MGAT4A: variants seen among roughly 807,000 people sequenced by gnomAD.
MGAT4A encodes the protein N-acetylglucosaminyltransferase IVa.
Under a neutral mutation model 74.1 loss-of-function variants are expected in MGAT4A, and 33 were observed. That is an observed-to-expected ratio of 0.45 (90% CI 0.34 to 0.60). The LOEUF is 0.60. Ranked by LOEUF, MGAT4A falls within the 20% of genes least tolerant of loss-of-function variation. The probability of loss-of-function intolerance (pLI) is 0.02; values close to 1 mark genes in which losing one functional copy is unlikely to be tolerated. For missense variants in MGAT4A, 479 were observed against 628.3 expected, an observed-to-expected ratio of 0.76 and a Z score of 2.54; for synonymous variants, 198 against 210.4, an observed-to-expected ratio of 0.94 and a Z score of 0.51.
chr2:98,697,439 C>T (rs1702293153), intron 2 of MGAT4A, among the ~76,000 whole-genome samples: 1 of 152,134 alleles, frequency 6.6e-6, no homozygotes, highest in Non-Finnish European at 1.5e-5. Flanking sequence ...CAGGGGAGAT[C>T]TTTGTGGTGA....
At chr2:98,667,696 T>TTTGTTG (rs142922685) in intron 4 of MGAT4A, among the ~76,000 whole-genome samples, 3,412 of 150,246 alleles carry the variant, frequency 0.023, 54 homozygotes, top group Middle Eastern at 0.038. Context: ...GCATTCAGTT[T>TTTGTTG]TTGTTGTTGT....
At chr2:98,691,400 A>G (rs1702192611) in intron 2 of MGAT4A, among the ~76,000 whole-genome samples, 2 of 152,082 alleles carry the variant, frequency 1.3e-5, no homozygotes, top group South Asian at 4.1e-4. Flanking sequence ...TGCTCACACC[A>G]CTGCACTCCA....
intron 10 of MGAT4A, among the ~76,000 whole-genome samples, chr2:98,641,605 G>C (rs1209403611): frequency 6.6e-6 from 1 of 151,740 alleles, no homozygotes; most frequent in Non-Finnish European, 1.5e-5. Context: ...GAACACGGGA[G>C]GCGGAGCTTG....
At chr2:98,713,185 C>CAAAAA (rs139508612) in intron 2 of MGAT4A, among the ~76,000 whole-genome samples, 1 of 54,220 alleles carries the variant, frequency 1.8e-5, no homozygotes, top group Non-Finnish European at 3.4e-5. Flanking sequence ...GATCATGTCT[C>CAAAAA]AAAAAAAAAA....
intron 2 of MGAT4A, among the ~76,000 whole-genome samples, chr2:98,700,773 C>A (rs984335163): frequency 2.0e-5 from 3 of 151,832 alleles, no homozygotes; most frequent in Non-Finnish European, 4.4e-5. Flanking sequence ...CACCTGTAAT[C>A]CCAGCTACTC....
Position 98,621,819 on chromosome 2 carries a change from AATTTTGCTT to A in MGAT4A, c.*3738_*3746del. 2 of 1,053,972 alleles carry A rather than the reference AATTTTGCTT, an allele frequency of 1.9e-6. No homozygotes were observed. Among genetic ancestry groups the A allele is most frequent in the Non-Finnish European group, 2.3e-6 (2 of 874,614 alleles). The allele number at this position is 1,053,972 out of a possible 1,614,324, so 65.3% of individuals were successfully genotyped here. Reference sequence around the variant, plus strand: ...TGATAGATTTTTTAAAGGCCTTCATAATTTTGCTTATAGTTTTAAAAATAACAACACCTT... The same window carrying A: ...TGATAGATTTTTTAAAGGCCTTCATAATAGTTTTAAAAATAACAACACCTT... On this transcript the variant is annotated 3_prime_UTR_variant, in exon 16 of 16. Coordinates refer to ENST00000393487, the MANE Select transcript of MGAT4A (RefSeq NM_012214.3).
chr2:98,683,442 G>A (rs540119282), intron 2 of MGAT4A, among the ~76,000 whole-genome samples: 1 of 152,236 alleles, frequency 6.6e-6, no homozygotes, highest in South Asian at 2.1e-4. Context: ...GTTCTGAAAA[G>A]AAACAAATAT....
chr2:98,663,277 G>C, intron 4 of MGAT4A, 98 bp from the exon 5 acceptor site: 2 of 1,533,166 alleles, frequency 1.3e-6, no homozygotes, highest in Non-Finnish European at 1.8e-6. Context: ...AAATTGATAG[G>C]AATAACTGAT....
intron 4 of MGAT4A, among the ~76,000 whole-genome samples, chr2:98,673,001 C>T (rs1701931295): frequency 6.6e-6 from 1 of 152,082 alleles, no homozygotes. Context: ...AATTATTCAG[C>T]AACCCCTTGT....
chr2:98,690,629 C>T (rs756661403), intron 2 of MGAT4A, among the ~76,000 whole-genome samples: 1 of 152,006 alleles, frequency 6.6e-6, no homozygotes, highest in African/African-American at 2.4e-5. Context: ...ATATTGAGAA[C>T]CAGGAAAATC....
chr2:98,630,709 A>G (rs111934239), intron 14 of MGAT4A, among the ~76,000 whole-genome samples: 8 of 152,310 alleles, frequency 5.3e-5, no homozygotes, highest in African/African-American at 1.9e-4. Flanking sequence ...TTCTTAGAGA[A>G]CATACCCAGA....
chr2:98,695,878 CTT>C (rs554678618), intron 2 of MGAT4A, among the ~76,000 whole-genome samples: 1,363 of 130,314 alleles, frequency 0.01, 11 homozygotes, highest in Non-Finnish European at 0.011. Flanking sequence ...CACAGAACTT[CTT>C]TTTTTTTTTT....
chr2:98,668,597 A>G (rs796912328), intron 4 of MGAT4A, among the ~76,000 whole-genome samples: 2 of 152,200 alleles, frequency 1.3e-5, no homozygotes, highest in African/African-American at 4.8e-5. Flanking sequence ...CAGAGTCCCT[A>G]TTGGGGCACC....
At chr2:98,633,408 T>G (rs939290890) in intron 14 of MGAT4A, among the ~76,000 whole-genome samples, 1 of 152,114 alleles carries the variant, frequency 6.6e-6, no homozygotes, top group Non-Finnish European at 1.5e-5. Context: ...ATCTGGGAGA[T>G]TCTCATGAAT....
intron 4 of MGAT4A, among the ~76,000 whole-genome samples, chr2:98,673,328 C>T (rs1273971616): frequency 6.6e-6 from 1 of 152,004 alleles, no homozygotes; most frequent in African/African-American, 2.4e-5. Flanking sequence ...ATATGAAGCC[C>T]TAGATAAGTT....
intron 14 of MGAT4A, among the ~76,000 whole-genome samples, chr2:98,627,331 T>C (rs1291082701): frequency 6.6e-6 from 1 of 152,188 alleles, no homozygotes; most frequent in African/African-American, 2.4e-5. Flanking sequence ...TAATTTTAGG[T>C]TGAATTCATT....
At chr2:98,726,796 T>C (rs1209337025) in intron 1 of MGAT4A, 1 of 154,750 alleles carries the variant, frequency 6.5e-6, no homozygotes, top group Non-Finnish European at 1.4e-5. Context: ...ATTGGTTTTG[T>C]TTTGTCTGTA....
At chr2:98,709,024 G>A (rs745374035) in intron 2 of MGAT4A, among the ~76,000 whole-genome samples, 5 of 152,190 alleles carry the variant, frequency 3.3e-5, no homozygotes, top group Non-Finnish European at 5.9e-5. Flanking sequence ...ACACCCCATG[G>A]AGTCAGACAC....
chr2:98,648,985 T>C (rs1701536755), intron 8 of MGAT4A, among the ~76,000 whole-genome samples: 1 of 152,234 alleles, frequency 6.6e-6, no homozygotes, highest in African/African-American at 2.4e-5. Flanking sequence ...CCATGAGCTA[T>C]GACTGTGCCA....
Sources: allele counts gnomAD v4.1 joint callset (sites outside exome capture counted in the v4.1 genomes callset), GRCh38; gene constraint gnomAD v4.1.1; transcripts MANE v1.5; gene names NCBI Gene and HGNC (gene_info 2026-07-23, HGNC 2026-07-21).